Variants in SMOC2 observed in about 807,000 individuals in gnomAD.
SMOC2 encodes SPARC-related modular calcium-binding protein 2.
SMOC2 carries 39 observed loss-of-function variants against 61.4 expected under a neutral mutation model. The ratio of observed to expected loss-of-function variants is 0.64; its 90% CI spans 0.49 to 0.83. The LOEUF is 0.83. SMOC2 is among the 40% of genes least tolerant of loss of function. The pLI is 0.00. For synonymous variants in SMOC2, 247 were observed against 239.9 expected (o/e 1.03, Z -0.27); for missense variants, 556 against 592.9 (o/e 0.94, Z 0.65).
intron 1 of SMOC2, among the ~76,000 whole-genome samples, chr6:168,488,311 C>T (rs1434387190): frequency 2.0e-5 from 3 of 152,258 alleles, no homozygotes; most frequent in Non-Finnish European, 4.4e-5. Flanking sequence ...CCCTCTCTTC[C>T]ATCTATGCCC....
At chr6:168,445,179 C>A (rs1196748505) in intron 1 of SMOC2, among the ~76,000 whole-genome samples, 1 of 152,210 alleles carries the variant, frequency 6.6e-6, no homozygotes. Flanking sequence ...CATTATTTTT[C>A]TTTCTTCGTG....
At chr6:168,510,190 G>A in intron 2 of SMOC2, 104 bp downstream of exon 2, 3 of 1,126,824 alleles carry the variant, frequency 2.7e-6, no homozygotes, top group Non-Finnish European at 3.7e-6. Flanking sequence ...TACAAACTCG[G>A]GTTTATGTTG....
Position 168,602,349 on chromosome 6 carries a change from GTCT to G in SMOC2, c.824+3354_824+3356del, listed in dbSNP as rs568088231. ...TGTTGTTGTTTTGGTCTGTTCTGCC[GTCT>G]TCTTCTTCCTGGTGTGCTTTGCGGC... On this transcript the variant is annotated intron_variant, in intron 8 of 12. Transcript: ENST00000356284. Among the ~76,000 whole-genome samples, 18 of 152,288 alleles carry G rather than the reference GTCT, an allele frequency of 1.2e-4. No homozygotes were observed. In the South Asian group the frequency reaches 3.1e-3, roughly 26 times the overall value.
chr6:168,562,860 G>T (rs946772008), intron 7 of SMOC2, among the ~76,000 whole-genome samples: 1 of 152,164 alleles, frequency 6.6e-6, no homozygotes, highest in Non-Finnish European at 1.5e-5. Flanking sequence ...GTATTTTCAC[G>T]GATGACAGTT....
rs531475422 is a variant in SMOC2, at chr6:168,514,388, C to T, written c.256+4302C>T. Among the ~76,000 whole-genome samples, 83 of 152,334 alleles carry T rather than the reference C, an allele frequency of 5.4e-4. 1 individual carries two copies. Among genetic ancestry groups the T allele is most frequent in the Admixed American group, 1.0e-3 (16 of 15,300 alleles). On this transcript the variant is annotated intron_variant, in intron 2 of 12. Transcript: ENST00000356284. ...GCGTTGGACAACTGTCCGGGGATAA[C>T]GTGATTTCCAGCATGCTTCACCCAG...
intron 2 of SMOC2, among the ~76,000 whole-genome samples, chr6:168,521,347 C>G (rs1363006323): frequency 6.6e-6 from 1 of 152,118 alleles, no homozygotes; most frequent in Non-Finnish European, 1.5e-5. Flanking sequence ...TGGAGTTTCA[C>G]CATGTTGGCC....
At chr6:168,612,823 A>T (rs754945615) in intron 9 of SMOC2, among the ~76,000 whole-genome samples, 42 of 151,880 alleles carry the variant, frequency 2.8e-4, no homozygotes, top group Non-Finnish European at 4.6e-4. Flanking sequence ...AGGGAGATGC[A>T]CCTGTCCAGA....
intron 2 of SMOC2, among the ~76,000 whole-genome samples, chr6:168,511,330 C>T (rs1325514200): frequency 6.6e-6 from 1 of 152,118 alleles, no homozygotes; most frequent in African/African-American, 2.4e-5. Flanking sequence ...AGCTTACAAT[C>T]ATGGCAGAAG....
intron 8 of SMOC2, among the ~76,000 whole-genome samples, chr6:168,605,046 G>T (rs767566849): frequency 1.3e-5 from 2 of 152,118 alleles, no homozygotes; most frequent in African/African-American, 2.4e-5. Context: ...GAGCCGAGGG[G>T]CAAGTTTCCC....
chr6:168,463,642 A>C (rs758026025), intron 1 of SMOC2, among the ~76,000 whole-genome samples: 20 of 152,258 alleles, frequency 1.3e-4, no homozygotes, highest in Middle Eastern at 3.4e-3. Context: ...GCTGGGTAAC[A>C]TCCTGTGCTT....
intron 7 of SMOC2, among the ~76,000 whole-genome samples, chr6:168,596,601 G>A (rs112963058): frequency 0.021 from 3,233 of 152,334 alleles, 115 homozygotes; most frequent in African/African-American, 0.071. Flanking sequence ...CGGAGGCGCA[G>A]TTCCATTGAG....
At chr6:168,660,307 G>T (rs985676822) in intron 11 of SMOC2, among the ~76,000 whole-genome samples, 9 of 152,238 alleles carry the variant, frequency 5.9e-5, no homozygotes, top group Admixed American at 1.3e-4. Context: ...GTTGTGAGCC[G>T]CATATCCTGA....
At chr6:168,483,941 C>A (rs971433678) in intron 1 of SMOC2, among the ~76,000 whole-genome samples, 16 of 152,106 alleles carry the variant, frequency 1.1e-4, no homozygotes, top group African/African-American at 3.9e-4. Flanking sequence ...ATAATTAACT[C>A]AAAATGGATT....
intron 9 of SMOC2, among the ~76,000 whole-genome samples, chr6:168,634,675 T>A (rs1786667744): frequency 6.6e-6 from 1 of 152,254 alleles, no homozygotes; most frequent in Non-Finnish European, 1.5e-5. Context: ...GGCAGACATC[T>A]GAGCAACATA....
chr6:168,525,224 G>A lies in SMOC2; in HGVS notation c.257-1122G>A, dbSNP rs150442474. ...ATGTGTGTTCTGCTTCCGGGGAGGC[G>A]GCCCATGGCAGCCAACGTGACGTCG... is the stretch of plus-strand genomic sequence containing the variant. On this transcript the variant is annotated intron_variant, in intron 2 of 12. Coordinates refer to ENST00000356284, the MANE Select transcript of SMOC2 (RefSeq NM_001166412.2). Among the ~76,000 whole-genome samples, 31 of 152,312 alleles carry A rather than the reference G, an allele frequency of 2.0e-4. No individual in the cohort carries two copies. The East Asian group carries it at 6.0e-3, about 29-fold the overall frequency.
At chr6:168,628,553 A>C (rs34974172) in intron 9 of SMOC2, among the ~76,000 whole-genome samples, 4,914 of 152,332 alleles carry the variant, frequency 0.032, 108 homozygotes, top group Non-Finnish European at 0.053. Flanking sequence ...AATTTGGAGA[A>C]ATAGTCTAAA....
At chr6:168,451,091 A>T (rs1027553292) in intron 1 of SMOC2, among the ~76,000 whole-genome samples, 6 of 152,152 alleles carry the variant, frequency 3.9e-5, no homozygotes, top group African/African-American at 1.4e-4. Context: ...TCACTCCCTC[A>T]GGCTACCTTT....
chr6:168,588,907 T>A (rs553931701), intron 7 of SMOC2, among the ~76,000 whole-genome samples: 2 of 151,950 alleles, frequency 1.3e-5, no homozygotes, highest in South Asian at 4.2e-4. Flanking sequence ...CTGGCCAACA[T>A]CTCTACTAAA....
At chr6:168,541,789 G>A (rs1783882731) in intron 4 of SMOC2, among the ~76,000 whole-genome samples, 1 of 152,156 alleles carries the variant, frequency 6.6e-6, no homozygotes, top group Non-Finnish European at 1.5e-5. Context: ...GATTAACTTT[G>A]TGTGGACTTA....
Sources: allele counts gnomAD v4.1 joint callset (sites outside exome capture counted in the v4.1 genomes callset), GRCh38; gene constraint gnomAD v4.1.1; transcripts MANE v1.5; gene names NCBI Gene and HGNC (gene_info 2026-07-23, HGNC 2026-07-21).